The following DPP6 variants were observed in gnomAD, a reference collection of about 807,000 sequenced individuals.
DPP6 encodes the protein A-type potassium channel modulatory protein DPP6.
A neutral mutation model predicts 122.6 loss-of-function variants in DPP6; 69 were observed. That is an observed-to-expected ratio of 0.56 (90% CI 0.46 to 0.69). The LOEUF is 0.69. DPP6 is among the 30% of genes least tolerant of loss of function. The pLI, the probability that DPP6 is intolerant of heterozygous loss-of-function variation, is 0.00. For synonymous variants in DPP6, 418 were observed against 433.1 expected (o/e 0.97, Z 0.43); for missense variants, 928 against 1,116.9 (o/e 0.83, Z 2.41).
chr7:154,174,162 G>T (rs1177443781), intron 1 of DPP6, among the ~76,000 whole-genome samples: 1 of 152,206 alleles, frequency 6.6e-6, no homozygotes, highest in African/African-American at 2.4e-5. Flanking sequence ...ACACCACTTT[G>T]ATTAATGCCA....
intron 1 of DPP6, among the ~76,000 whole-genome samples, chr7:154,132,835 C>G (rs945413856): frequency 6.3e-4 from 96 of 151,982 alleles, no homozygotes; most frequent in Non-Finnish European, 1.2e-3. Flanking sequence ...ATATACAGCA[C>G]GTTGTTGTGT....
At chr7:154,626,035 T>C (rs1022066134) in intron 5 of DPP6, among the ~76,000 whole-genome samples, 3 of 152,138 alleles carry the variant, frequency 2.0e-5, no homozygotes, top group African/African-American at 7.2e-5. Flanking sequence ...CGGATACCTG[T>C]TTCTCAGTGG....
At chr7:153,986,294 T>G (rs1344968509) in intron 1 of DPP6, among the ~76,000 whole-genome samples, 1 of 152,310 alleles carries the variant, frequency 6.6e-6, no homozygotes, top group East Asian at 1.9e-4. Context: ...TTCAGTGCCT[T>G]TTTTTCTATT....
At chr7:154,404,505 A>G (rs182231718) in intron 1 of DPP6, among the ~76,000 whole-genome samples, 1 of 152,328 alleles carries the variant, frequency 6.6e-6, no homozygotes, top group East Asian at 1.9e-4. Context: ...GCCCATATGA[A>G]TCAATAAGAA....
the DPP6 span, among the ~76,000 whole-genome samples, chr7:153,825,206 G>T: frequency 6.6e-6 from 1 of 151,956 alleles, no homozygotes; most frequent in Non-Finnish European, 1.5e-5. Context: ...TCCTGTGCTC[G>T]TCTGTGTCTT....
intron 1 of DPP6, among the ~76,000 whole-genome samples, chr7:153,971,007 C>A (rs62484209): frequency 0.018 from 2,796 of 152,022 alleles, 42 homozygotes; most frequent in Middle Eastern, 0.031. Flanking sequence ...ATAAGTTTGA[C>A]GATTTCTGCA....
At chr7:153,918,991 A>AAT (rs1800508299) in intron 1 of DPP6, among the ~76,000 whole-genome samples, 1 of 151,524 alleles carries the variant, frequency 6.6e-6, no homozygotes, top group Non-Finnish European at 1.5e-5. Context: ...AAAAAAAAAA[A>AAT]AAAAAAGAAA....
the DPP6 span, among the ~76,000 whole-genome samples, chr7:153,803,768 C>T: frequency 6.6e-6 from 1 of 151,076 alleles, no homozygotes; most frequent in East Asian, 1.9e-4. Context: ...TATAAACTTA[C>T]ATATATGGAG....
chr7:154,042,376 A>G (rs2533766), intron 1 of DPP6, among the ~76,000 whole-genome samples: 4 of 152,218 alleles, frequency 2.6e-5, no homozygotes, highest in Non-Finnish European at 4.4e-5. Flanking sequence ...CCAATAAGAC[A>G]GAAGAATACA....
chr7:154,524,447 G>A (rs530952468), intron 3 of DPP6, among the ~76,000 whole-genome samples: 1 of 152,310 alleles, frequency 6.6e-6, no homozygotes, highest in South Asian at 2.1e-4. Context: ...AAACCTGGCT[G>A]TTGGCAGGTG....
At chr7:154,103,588 G>C (rs1805917077) in intron 1 of DPP6, among the ~76,000 whole-genome samples, 1 of 152,266 alleles carries the variant, frequency 6.6e-6, no homozygotes, top group South Asian at 2.1e-4. Flanking sequence ...TGTGATTTCT[G>C]GGTGTGTCGG....
chr7:154,448,559 A>G (rs190108551), intron 2 of DPP6, among the ~76,000 whole-genome samples: 2 of 152,318 alleles, frequency 1.3e-5, no homozygotes, highest in African/African-American at 4.8e-5. Context: ...TTCTTTCTTA[A>G]AGAAACTACA....
chr7:153,862,925 A>G, the DPP6 span, among the ~76,000 whole-genome samples: 1 of 152,214 alleles, frequency 6.6e-6, no homozygotes, highest in South Asian at 2.1e-4. Flanking sequence ...AATACGTGAG[A>G]AAAGAAATAG....
chr7:154,820,839 G>A (rs1289165993), intron 16 of DPP6, among the ~76,000 whole-genome samples: 4 of 152,186 alleles, frequency 2.6e-5, no homozygotes, highest in Non-Finnish European at 4.4e-5. Flanking sequence ...CCTAATGAGT[G>A]TAATTCTAAG....
the DPP6 span, among the ~76,000 whole-genome samples, chr7:153,862,052 T>G: frequency 1.3e-5 from 2 of 152,134 alleles, no homozygotes; most frequent in East Asian, 1.9e-4. Flanking sequence ...AGAATTTACA[T>G]GTGGAAGATG....
the DPP6 span, among the ~76,000 whole-genome samples, chr7:153,769,441 G>A: frequency 0.011 from 1,626 of 150,318 alleles, no homozygotes; most frequent in African/African-American, 0.038. Flanking sequence ...TTCTAGCATA[G>A]TTGGGACACA....
At chr7:154,542,488 A>G (rs997088323) in intron 4 of DPP6, among the ~76,000 whole-genome samples, 1 of 152,198 alleles carries the variant, frequency 6.6e-6, no homozygotes, top group Non-Finnish European at 1.5e-5. Flanking sequence ...GAAATACATG[A>G]ATGTGAACCG....
At chr7:154,063,529 G>A (rs1488376266) in intron 1 of DPP6, among the ~76,000 whole-genome samples, 2 of 129,412 alleles carry the variant, frequency 1.5e-5, no homozygotes, top group Non-Finnish European at 3.4e-5. Context: ...GGAGGGGGAG[G>A]CACCCCCCGC....
At chr7:154,529,476 A>G (rs1017908439) in intron 3 of DPP6, among the ~76,000 whole-genome samples, 7 of 150,160 alleles carry the variant, frequency 4.7e-5, no homozygotes, top group African/African-American at 1.7e-4. Flanking sequence ...CCAGAAATTA[A>G]TATCCATAAT....
Sources: allele counts gnomAD v4.1 joint callset (sites outside exome capture counted in the v4.1 genomes callset), GRCh38; gene constraint gnomAD v4.1.1; transcripts MANE v1.5; gene names NCBI Gene and HGNC (gene_info 2026-07-23, HGNC 2026-07-21).